COL4A4: variants seen among roughly 807,000 people sequenced by gnomAD.
COL4A4 encodes collagen alpha-4(IV) chain.
Under a neutral mutation model 192.9 loss-of-function variants are expected in COL4A4, and 105 were observed. The ratio of observed to expected loss-of-function variants is 0.54; its 90% confidence interval spans 0.46 to 0.64. The LOEUF is 0.64. Ranked by LOEUF, COL4A4 falls within the 30% of genes least tolerant of loss-of-function variation. COL4A4 has a pLI of 0.00. For missense variants in COL4A4, 1,967 were observed against 2,169.3 expected (o/e 0.91, Z 1.85); for synonymous variants, 762 against 769.9 (o/e 0.99, Z 0.17).
intron 42 of COL4A4, among the ~76,000 whole-genome samples, chr2:227,026,550 A>G (rs568520631): frequency 6.6e-6 from 1 of 151,896 alleles, no homozygotes; most frequent in African/African-American, 2.4e-5. Context: ...CTCCTGTCCT[A>G]TGATACATCA....
chr2:227,008,368 C>T, intron 46 of COL4A4, 64 bp from the exon 47 acceptor site: 1 of 1,560,008 alleles, frequency 6.4e-7, no homozygotes, highest in African/African-American at 1.4e-5. Context: ...CCAGACCCTT[C>T]CTTCCTCCAT....
At chr2:226,995,455 C>A in the COL4A4 span, 32 of 1,612,732 alleles carry the variant, frequency 2.0e-5, no homozygotes, top group East Asian at 6.0e-4. Context: ...AGCCCACCAC[C>A]CTACGGGTTT....
At position 227,017,948 on chromosome 2, in the gene COL4A4, G is replaced by A. The variant is rs1471837971; in HGVS notation, c.4216+4100C>T. On this transcript the variant is annotated intron_variant, in intron 44 of 47. Coordinates refer to ENST00000396625, the MANE Select transcript of COL4A4 (RefSeq NM_000092.5). Reference sequence around the variant, plus strand: ...GTAGTTATCTTTTTTGTCTACTTGAGGCTGGAGGGGAGGAGGAGGTAGAGG... The same window carrying A: ...GTAGTTATCTTTTTTGTCTACTTGAAGCTGGAGGGGAGGAGGAGGTAGAGG... Among the ~76,000 whole-genome samples, 4 of 152,124 alleles carry A rather than the reference G, an allele frequency of 2.6e-5. No individual in the cohort carries two copies. The East Asian group carries it at 7.7e-4, about 29-fold the overall frequency.
intron 10 of COL4A4, 166 bp from the exon 11 acceptor site, chr2:227,109,034 T>G: frequency 1.1e-6 from 1 of 889,218 alleles, no homozygotes; most frequent in Non-Finnish European, 1.9e-6. Context: ...GAAGATGATG[T>G]CAGTGGCTCA....
At chr2:227,130,099 A>G (rs1392910249) in intron 4 of COL4A4, among the ~76,000 whole-genome samples, 1 of 152,226 alleles carries the variant, frequency 6.6e-6, no homozygotes, top group Non-Finnish European at 1.5e-5. Context: ...AATAAATAAC[A>G]AAAGGTGTTA....
At chr2:227,153,438 C>T (rs1435905271) in intron 1 of COL4A4, among the ~76,000 whole-genome samples, 1 of 152,194 alleles carries the variant, frequency 6.6e-6, no homozygotes, top group East Asian at 1.9e-4. Context: ...GTCAGAGCCC[C>T]ACCTTCAGCT....
At chr2:227,010,941 T>G (rs1341192079) in intron 45 of COL4A4, among the ~76,000 whole-genome samples, 2 of 152,178 alleles carry the variant, frequency 1.3e-5, no homozygotes, top group Non-Finnish European at 2.9e-5. Context: ...AAGTCGGTCT[T>G]TCTTACACCT....
intron 45 of COL4A4, 133 bp downstream of exon 45, chr2:227,012,048 C>G (rs1001594850): frequency 7.9e-5 from 59 of 743,126 alleles, no homozygotes; most frequent in Non-Finnish European, 1.2e-4. Context: ...GTCTCTGATA[C>G]CTGGTGAGTC....
chr2:227,028,587 C>A (rs1967531802), intron 41 of COL4A4, among the ~76,000 whole-genome samples: 12 of 151,956 alleles, frequency 7.9e-5, no homozygotes, highest in Middle Eastern at 6.8e-3. Context: ...TTTAAACTGA[C>A]ATATCCTTTC....
At chr2:227,013,268 TTCTC>T (rs1369101041) in intron 44 of COL4A4, among the ~76,000 whole-genome samples, 1 of 152,094 alleles carries the variant, frequency 6.6e-6, no homozygotes, top group Non-Finnish European at 1.5e-5. Flanking sequence ...TCTATTCTCT[TTCTC>T]TCTTTCTCTC....
At chr2:227,014,742 G>A (rs978584606) in intron 44 of COL4A4, among the ~76,000 whole-genome samples, 3 of 151,960 alleles carry the variant, frequency 2.0e-5, no homozygotes, top group East Asian at 1.9e-4. Context: ...ATGGAGTCTC[G>A]CTGTATCACC....
chr2:227,130,875 C>T (rs539847891), intron 4 of COL4A4, among the ~76,000 whole-genome samples: 1 of 152,236 alleles, frequency 6.6e-6, no homozygotes, highest in African/African-American at 2.4e-5. Context: ...AGGTGAGTCT[C>T]CTCATTCCTA....
At chr2:226,988,223 C>A in the COL4A4 span, 1 of 992,614 alleles carries the variant, frequency 1.0e-6, no homozygotes, top group Non-Finnish European at 1.4e-6. Flanking sequence ...GTCTCAAGAT[C>A]AAGAAGCAAG....
At chr2:226,988,426 G>A in the COL4A4 span, 3 of 1,550,464 alleles carry the variant, frequency 1.9e-6, no homozygotes, top group Non-Finnish European at 2.6e-6. Flanking sequence ...GAAGCCTGAA[G>A]CAGGCCGCAG....
intron 25 of COL4A4, among the ~76,000 whole-genome samples, chr2:227,073,686 G>C (rs914764412): frequency 6.6e-6 from 1 of 151,878 alleles, no homozygotes; most frequent in Non-Finnish European, 1.5e-5. Flanking sequence ...TGGTACTGTT[G>C]TAAAAGTAGG....
Position 227,088,819 on chromosome 2 carries a change from A to G in COL4A4, c.1460-3T>C. ...ACAGGCACAGAGTCCTTCATTTCCT[A>G]GACAGAGGATCAATGGCAGATTTGT... On this transcript the variant is annotated splice_polypyrimidine_tract_variant and splice_region_variant and intron_variant, in intron 21 of 47. Transcript: ENST00000396625. The G allele has an allele frequency of 6.2e-7, 1 of 1,614,088 alleles. No homozygotes were observed. The highest frequency in any genetic ancestry group is 8.5e-7 in the Non-Finnish European group (1 of 1,180,010).
chr2:227,141,689 G>A (rs900804270), intron 3 of COL4A4, among the ~76,000 whole-genome samples: 1 of 152,138 alleles, frequency 6.6e-6, no homozygotes, highest in African/African-American at 2.4e-5. Flanking sequence ...CGAGAGTCAA[G>A]CGATTAGATA....
At chr2:227,007,947 A>C in intron 47 of COL4A4, 71 bp downstream of exon 47, 2 of 1,560,524 alleles carry the variant, frequency 1.3e-6, no homozygotes, top group Non-Finnish European at 1.7e-6. Flanking sequence ...TGTCCAATCC[A>C]GAGAGAAATG....
intron 34 of COL4A4, among the ~76,000 whole-genome samples, chr2:227,048,835 T>C (rs1490976152): frequency 6.6e-6 from 1 of 152,192 alleles, no homozygotes; most frequent in African/African-American, 2.4e-5. Flanking sequence ...AGTTATAAAA[T>C]ATCAAAATCA....
Sources: gnomAD v4.1 joint callset for allele counts (sites outside exome capture counted in the v4.1 genomes callset) on GRCh38, gnomAD v4.1.1 for gene constraint, MANE v1.5 for transcripts, NCBI Gene and HGNC (gene_info 2026-07-23, HGNC 2026-07-21) for gene names.